DYNC1H1: variants seen among roughly 807,000 people sequenced by gnomAD.
DYNC1H1 encodes cytoplasmic dynein 1 heavy chain 1.
A neutral mutation model predicts 527.1 loss-of-function variants in DYNC1H1; 51 were observed. The ratio of observed to expected loss-of-function variants is 0.10; its 90% confidence interval spans 0.08 to 0.12. The LOEUF is 0.12. DYNC1H1 is among the 10% of genes least tolerant of loss of function. DYNC1H1 has a pLI of 1.00. For synonymous variants in DYNC1H1, 2,189 were observed against 2,278.8 expected (o/e 0.96, Z 1.12); for missense variants, 2,771 against 5,971.8 (o/e 0.46, Z 17.66).
chr14:102,015,286 A>C lies in DYNC1H1; in HGVS notation c.7196A>C (p.Lys2399Thr), dbSNP rs1411447093. 1.9e-6 allele frequency: 3 copies of C among 1,614,028 alleles called. No individual in the cohort carries two copies. The African/African-American group carries it at 4.0e-5, about 22-fold the overall frequency. Residue 2399 changes from lysine (K) to threonine (T), a missense_variant, in exon 35 of 78, where the codon AAG becomes ACG. Coordinates refer to ENST00000360184, the MANE Select transcript of DYNC1H1 (RefSeq NM_001376.5). The surrounding 1 kb of genome is among the most constrained non-coding windows in gnomAD (Gnocchi z 6.9). ...GAGGATGAGGCACAGCGGCGGCGTAAGGGCAAAGAGGATGAGGGGGAGGAG... is the reference window on the plus strand; with the variant it reads ...GAGGATGAGGCACAGCGGCGGCGTACGGGCAAAGAGGATGAGGGGGAGGAG... Reference protein sequence around the residue: ...EGEDEAQRRRKGKEDEGEEAA... With the variant: ...EGEDEAQRRRTGKEDEGEEAA...
Position 102,039,519 on chromosome 14 carries a change from G to A in DYNC1H1, c.11568G>A (p.Leu3856=). The A allele has an allele frequency of 1.2e-6, 2 of 1,614,232 alleles. No individual in the cohort carries two copies. Among genetic ancestry groups the A allele is most frequent in the Non-Finnish European group, 1.7e-6 (2 of 1,180,048 alleles). ...LKGVTDHTQR[L]SIITKDLFQV... The stretch of plus-strand genomic sequence containing the variant: ...GTGTCACCGACCACACACAGCGCCT[G>A]TCCATTATAACAAAGGACCTCTTCC... Residue 3856 remains leucine, a synonymous_variant, in exon 61 of 78, where the codon CTG becomes CTA. Transcript: ENST00000360184. The surrounding 1 kb of genome is among the most constrained non-coding windows in gnomAD (Gnocchi z 7.0).
chr14:102,048,958 G>A (rs993837172), intron 74 of DYNC1H1: 14 of 476,928 alleles, frequency 2.9e-5, no homozygotes, highest in Non-Finnish European at 5.4e-5. Flanking sequence ...GGAATGTGGT[G>A]GTCCAGGATG....
Position 102,044,093 on chromosome 14 carries a change from G to A in DYNC1H1, c.12684+48G>A. 1 of 1,607,736 alleles carries A rather than the reference G, an allele frequency of 6.2e-7. No homozygotes were observed. Among genetic ancestry groups the A allele is most frequent in the South Asian group, 1.1e-5 (1 of 90,614 alleles). ...CAGACAGTGGACGTGTATCTGGGAA[G>A]GATGCTGCAGGGCGTGGTGCTGAGA... is the stretch of plus-strand genomic sequence containing the variant. On this transcript the variant is annotated intron_variant, in intron 70 of 77. Coordinates refer to ENST00000360184, the MANE Select transcript of DYNC1H1 (RefSeq NM_001376.5). The surrounding 1 kb of genome is among the most constrained non-coding windows in gnomAD (Gnocchi z 7.1).
In DYNC1H1 at chr14:101,985,581, C is replaced by A; in HGVS notation, c.1462-106C>A. On this transcript the variant is annotated intron_variant, in intron 7 of 77. Transcript: ENST00000360184. The surrounding 1 kb of genome is among the most constrained non-coding windows in gnomAD (Gnocchi z 5.9). ...CCTCATGATCCGCCTGCCTTGGCCT[C>A]CCAAAGTGCTGGGATTACAGGTGTG... is the stretch of plus-strand genomic sequence containing the variant. 1 of 1,307,234 alleles carries A rather than the reference C, an allele frequency of 7.6e-7. No homozygotes were observed. The highest frequency in any genetic ancestry group is 1.2e-5 in the South Asian group (1 of 82,584). The allele number at this position is 1,307,234 out of a possible 1,614,324, so 81.0% of individuals were successfully genotyped here.
rs2048807318 is a variant in DYNC1H1 at position 102,051,304 on chromosome 14, C to T, written c.*741C>T. ...GTGGCTCATGCCTGTAATCCCAGCA[C>T]TTTGGGAGGCCGAGGCGGGCGGATC... On this transcript the variant is annotated 3_prime_UTR_variant, in exon 78 of 78. Coordinates refer to ENST00000360184, the MANE Select transcript of DYNC1H1 (RefSeq NM_001376.5). 6.5e-6 allele frequency: 1 copy of T among 152,824 alleles called. No individual in the cohort carries two copies. Among genetic ancestry groups the T allele is most frequent in the African/African-American group, 2.4e-5 (1 of 41,290 alleles). 9.5% of individuals were successfully genotyped at this position (152,824 alleles called of 1,614,324 possible).
In DYNC1H1 at chr14:102,038,817, C is replaced by T. The variant is rs376691723; in HGVS notation, c.11175C>T (p.Asp3725=). Residue 3725 remains aspartate (D), a synonymous_variant, in exon 59 of 78, where the codon GAC becomes GAT. Coordinates refer to ENST00000360184, the MANE Select transcript of DYNC1H1 (RefSeq NM_001376.5). The surrounding 1 kb of genome is among the most constrained non-coding windows in gnomAD (Gnocchi z 7.2). ...TTAAAGCAGAAAGACCTGATGTGGACGAGAAACGATCTGATCTTCTTAAAC... is the reference window on the plus strand; with the variant it reads ...TTAAAGCAGAAAGACCTGATGTGGATGAGAAACGATCTGATCTTCTTAAAC... ...EVLKAERPDV[D]EKRSDLLKLQ... 3.1e-5 allele frequency: 50 copies of T among 1,614,016 alleles called. No homozygotes were observed. Among genetic ancestry groups the T allele is most frequent in the African/African-American group, 2.7e-4 (20 of 74,900 alleles).
At position 102,005,131 on chromosome 14, in the gene DYNC1H1, G is replaced by A. The variant is rs143258359; in HGVS notation, c.5328G>A (p.Ala1776=). The A allele has an allele frequency of 1.7e-4, 275 of 1,614,182 alleles. 1 individual carries two copies. The African/African-American group carries it at 3.1e-3, about 18-fold the overall frequency. Residue 1776 remains alanine (A), a synonymous_variant, in exon 26 of 78, where the codon GCG becomes GCA. Transcript: ENST00000360184. The surrounding 1 kb of genome is among the most constrained non-coding windows in gnomAD (Gnocchi z 4.0). ...GCATGGGCGGAGGTGGAGATGCCGC[G>A]CCCTTGCACTCTGTGCTGAGCAATG... ...LSSMGGGGDA[A]PLHSVLSNVE...
intron 9 of DYNC1H1, among the ~76,000 whole-genome samples, chr14:101,988,189 G>A (rs910897194): frequency 3.5e-4 from 54 of 152,150 alleles, no homozygotes; most frequent in African/African-American, 1.2e-3. Context: ...CTGGATATTT[G>A]ATAACTTCCT....
At chr14:102,014,253 G>C (rs2048293863) in intron 34 of DYNC1H1, among the ~76,000 whole-genome samples, 1 of 152,200 alleles carries the variant, frequency 6.6e-6, no homozygotes, top group East Asian at 1.9e-4. Context: ...TGGAGGTGAG[G>C]CTGGGCATGG....
At position 101,964,900 on chromosome 14, in the gene DYNC1H1, C is replaced by T; in HGVS notation, c.209C>T (p.Ser70Leu). The change falls in exon 1 of 78, where the codon TCG becomes TTG. Residue 70 changes from serine (S) to leucine (L), a missense_variant. Transcript: ENST00000360184. This position sits in a 1 kb window ranked among gnomAD's most constrained non-coding sequence, Gnocchi z 5.5. ...CTGGAGCAGATGCGCAAGTTCCTTTCGGACCCGCAGGTCCACACGGTGCTG... is the reference window on the plus strand; with the variant it reads ...CTGGAGCAGATGCGCAAGTTCCTTTTGGACCCGCAGGTCCACACGGTGCTG... ...SALEQMRKFL[S>L]DPQVHTVLVE... 6.2e-7 allele frequency: 1 copy of T among 1,600,238 alleles called. No homozygotes were observed. The highest frequency in any genetic ancestry group is 8.5e-7 in the Non-Finnish European group (1 of 1,174,568).
intron 56 of DYNC1H1, 147 bp downstream of exon 56, chr14:102,034,599 G>C: frequency 7.8e-7 from 1 of 1,285,864 alleles, no homozygotes; most frequent in Non-Finnish European, 1.1e-6. Flanking sequence ...CTCTGATGGT[G>C]GGGCGTGTGC....
chr14:102,036,141 A>ATGTT lies in DYNC1H1; in HGVS notation c.10755-347_10755-344dup, dbSNP rs1484600658. On this transcript the variant is annotated intron_variant, in intron 56 of 77. Coordinates refer to ENST00000360184, the MANE Select transcript of DYNC1H1 (RefSeq NM_001376.5). The surrounding 1 kb of genome is among the most constrained non-coding windows in gnomAD (Gnocchi z 5.6). ...ATCCCTTGCTGCTGCGACATCATTG[A>ATGTT]TGTTGATACGTGCTGTCTAGAAGGA... 1 of 297,958 alleles carries ATGTT rather than the reference A, an allele frequency of 3.4e-6. No individual in the cohort carries two copies. The highest frequency in any genetic ancestry group is 2.2e-5 in the African/African-American group (1 of 46,122). 18.5% of individuals were successfully genotyped at this position (297,958 alleles called of 1,614,324 possible).
chr14:101,993,047 T>TA (rs1309991800), intron 11 of DYNC1H1, among the ~76,000 whole-genome samples: 2 of 151,800 alleles, frequency 1.3e-5, no homozygotes, highest in African/African-American at 4.8e-5. Flanking sequence ...TCTGGGCAGC[T>TA]ACTAGCATGG....
intron 1 of DYNC1H1, among the ~76,000 whole-genome samples, chr14:101,970,539 G>A (rs772641113): frequency 3.0e-5 from 4 of 133,758 alleles, no homozygotes; most frequent in Non-Finnish European, 6.1e-5. Flanking sequence ...CTGGAGTGCA[G>A]TGGCACGATC....
In DYNC1H1 at chr14:101,979,761, A is replaced by G. The variant is rs774395446; in HGVS notation, c.561A>G (p.Ala187=). 1.9e-5 allele frequency: 30 copies of G among 1,614,138 alleles called. No individual in the cohort carries two copies. The highest frequency in any genetic ancestry group is 3.3e-5 in the Admixed American group (2 of 60,014). Residue 187 remains alanine, a synonymous_variant, in exon 4 of 78, where the codon GCA becomes GCG. Transcript: ENST00000360184. The surrounding 1 kb of genome is among the most constrained non-coding windows in gnomAD (Gnocchi z 4.6). ...CTCCTTCAGTTGAAAAGAAGATTGCAGAACTCGAAATGGGACTCCTTCACT... is the reference window on the plus strand; with the variant it reads ...CTCCTTCAGTTGAAAAGAAGATTGCGGAACTCGAAATGGGACTCCTTCACT... ...KMAPSVEKKI[A]ELEMGLLHLQ...
Position 102,049,350 on chromosome 14 carries a change from C to T in DYNC1H1, c.13373-90C>T. The T allele has an allele frequency of 6.3e-7, 1 of 1,592,512 alleles. No individual in the cohort carries two copies. Among genetic ancestry groups the T allele is most frequent in the Non-Finnish European group, 8.5e-7 (1 of 1,171,164 alleles). ...AGCCGCCAGCCGCCTGTGTGGGCAGCCAGGATGCCTAGCACTTGCACATTT... is the reference window on the plus strand; with the variant it reads ...AGCCGCCAGCCGCCTGTGTGGGCAGTCAGGATGCCTAGCACTTGCACATTT... On this transcript the variant is annotated intron_variant, in intron 74 of 77. Coordinates refer to ENST00000360184, the MANE Select transcript of DYNC1H1 (RefSeq NM_001376.5). The surrounding 1 kb of genome is among the most constrained non-coding windows in gnomAD (Gnocchi z 5.5).
In DYNC1H1 at chr14:102,050,159, C is replaced by G; in HGVS notation, c.13773C>G (p.Arg4591=). The G allele has an allele frequency of 6.2e-7, 1 of 1,614,108 alleles. No homozygotes were observed. The highest frequency in any genetic ancestry group is 8.5e-7 in the Non-Finnish European group (1 of 1,180,016). ...CCGCCCTTCCCCTGACGCAGCTGCG[C>G]TGGGTCAAGCAGACAAACACCGAGA... ...ISTALPLTQL[R]WVKQTNTEKK... is the part of the protein sequence containing the mutation. Residue 4591 remains arginine, a synonymous_variant, in exon 77 of 78, where the codon CGC becomes CGG. Coordinates refer to ENST00000360184, the MANE Select transcript of DYNC1H1 (RefSeq NM_001376.5).
chr14:101,968,673 C>CATCT (rs970288675), intron 1 of DYNC1H1, among the ~76,000 whole-genome samples: 44 of 152,028 alleles, frequency 2.9e-4, no homozygotes, highest in African/African-American at 1.1e-3. Flanking sequence ...GCGATCCACC[C>CATCT]ATCTCAGCCT....
rs540651948 is a variant in DYNC1H1, at chr14:102,010,177, C to T, written c.6221+91C>T. ...AAAATTTTTATATGTAATGATGGTACGTCTTTCAAAATATCCATCTCTGGT... is the reference window on the plus strand; with the variant it reads ...AAAATTTTTATATGTAATGATGGTATGTCTTTCAAAATATCCATCTCTGGT... On this transcript the variant is annotated intron_variant, in intron 30 of 77. Transcript: ENST00000360184. This position sits in a 1 kb window ranked among gnomAD's most constrained non-coding sequence, Gnocchi z 6.0. 168 of 1,611,698 alleles carry T rather than the reference C, an allele frequency of 1.0e-4. No homozygotes were observed. Among genetic ancestry groups the T allele is most frequent in the South Asian group, 9.9e-5 (9 of 90,740 alleles).
Sources: allele counts gnomAD v4.1 joint callset (sites outside exome capture counted in the v4.1 genomes callset), GRCh38; gene constraint gnomAD v4.1.1; non-coding constraint Gnocchi (gnomAD v3.1); transcripts MANE v1.5; gene names NCBI Gene and HGNC (gene_info 2026-07-23, HGNC 2026-07-21).